Variants in PRKG1 observed in about 807,000 individuals in gnomAD.
PRKG1 encodes the protein cGMP-dependent protein kinase 1.
A neutral mutation model predicts 88.1 loss-of-function variants in PRKG1; 35 were observed. That is an observed-to-expected ratio of 0.40 (90% CI 0.30 to 0.53). The LOEUF is 0.53. Among genes scored for constraint, PRKG1 ranks in the 20% least tolerant of loss-of-function variants. PRKG1 has a pLI of 0.59. For synonymous variants in PRKG1, 303 were observed against 292.5 expected (o/e 1.04, Z -0.37); for missense variants, 540 against 839.8 (o/e 0.64, Z 4.41).
intron 2 of PRKG1, among the ~76,000 whole-genome samples, chr10:51,393,066 GCGGC>G (rs1265520540): frequency 1.6e-5 from 1 of 60,844 alleles, no homozygotes; most frequent in Non-Finnish European, 3.7e-5. Flanking sequence ...CTCAGGCGGG[GCGGC>G]TGCCGGGCGG....
chr10:51,015,539 G>A (rs947303406), intron 1 of PRKG1, among the ~76,000 whole-genome samples: 19 of 152,354 alleles, frequency 1.2e-4, no homozygotes, highest in African/African-American at 3.4e-4. Flanking sequence ...ATTGTGTTAA[G>A]TTGCATAGAA....
intron 3 of PRKG1, among the ~76,000 whole-genome samples, chr10:51,548,063 C>T (rs1384972355): frequency 2.6e-5 from 4 of 151,902 alleles, no homozygotes; most frequent in Admixed American, 1.3e-4. Flanking sequence ...CCTGCTTTGC[C>T]TAAATTATGA....
At chr10:51,634,930 G>A (rs748516067) in intron 3 of PRKG1, among the ~76,000 whole-genome samples, 1 of 151,920 alleles carries the variant, frequency 6.6e-6, no homozygotes, top group Non-Finnish European at 1.5e-5. Context: ...TATACACCAG[G>A]GCATACTTGA....
intron 5 of PRKG1, among the ~76,000 whole-genome samples, chr10:51,951,866 T>C (rs1843193181): frequency 6.6e-6 from 1 of 152,186 alleles, no homozygotes; most frequent in Admixed American, 6.5e-5. Flanking sequence ...GTATGAGTGG[T>C]GACCTATGAA....
Position 51,552,031 on chromosome 10 carries a change from C to G in PRKG1, c.592+84195C>G, listed in dbSNP as rs145645994. On this transcript the variant is annotated intron_variant, in intron 3 of 17. Transcript: ENST00000373980. ...AGTATTTGGCCAGATTTCATTTTTC[C>G]CATCTTAGGCTGACTTTGTAAATAG... is the stretch of plus-strand genomic sequence containing the variant. Among the ~76,000 whole-genome samples the G allele has an allele frequency of 3.7e-3, 560 of 151,580 alleles. 6 individuals are homozygous for G. Among genetic ancestry groups the G allele is most frequent in the African/African-American group, 0.013 (527 of 41,484 alleles).
intron 1 of PRKG1, among the ~76,000 whole-genome samples, chr10:51,037,321 T>C (rs1449072012): frequency 6.6e-6 from 1 of 150,978 alleles, no homozygotes. Flanking sequence ...AATAAAAAAT[T>C]AGTATGGCAT....
chr10:51,235,349 G>A (rs749539361), intron 2 of PRKG1, among the ~76,000 whole-genome samples: 42 of 152,278 alleles, frequency 2.8e-4, no homozygotes, highest in Admixed American at 1.0e-3. Context: ...ATAGAGCCCC[G>A]TTAGGTTTAA....
chr10:51,837,779 C>T (rs1840168868), intron 4 of PRKG1, among the ~76,000 whole-genome samples: 1 of 152,100 alleles, frequency 6.6e-6, no homozygotes, highest in African/African-American at 2.4e-5. Flanking sequence ...TCTCCATAAC[C>T]CAATGCTTGG....
At chr10:51,982,043 G>T (rs944137721) in intron 5 of PRKG1, among the ~76,000 whole-genome samples, 2 of 152,010 alleles carry the variant, frequency 1.3e-5, no homozygotes, top group African/African-American at 4.8e-5. Context: ...TTGTCTGACT[G>T]TCTTATTTCA....
intron 2 of PRKG1, among the ~76,000 whole-genome samples, chr10:51,431,645 T>C (rs1838773646): frequency 6.6e-6 from 1 of 152,098 alleles, no homozygotes; most frequent in African/African-American, 2.4e-5. Flanking sequence ...GGGCAGTCTA[T>C]CCTCAGTTGG....
chr10:51,010,711 AC>A (rs1191044426), intron 1 of PRKG1, among the ~76,000 whole-genome samples: 1 of 152,210 alleles, frequency 6.6e-6, no homozygotes, highest in Non-Finnish European at 1.5e-5. Context: ...ACAACTGAAA[AC>A]AAATACTAGT....
chr10:51,345,963 T>C (rs1842104733), intron 2 of PRKG1, among the ~76,000 whole-genome samples: 1 of 152,204 alleles, frequency 6.6e-6, no homozygotes, highest in African/African-American at 2.4e-5. Context: ...GATAGCATTA[T>C]TGGTACAATT....
At chr10:52,084,280 C>T (rs1846855760) in intron 7 of PRKG1, among the ~76,000 whole-genome samples, 1 of 151,988 alleles carries the variant, frequency 6.6e-6, no homozygotes, top group Admixed American at 6.6e-5. Context: ...ATCTGCTCAA[C>T]TAAGATGCTT....
intron 2 of PRKG1, among the ~76,000 whole-genome samples, chr10:51,407,092 G>T (rs968116612): frequency 1.3e-5 from 2 of 152,168 alleles, no homozygotes; most frequent in Admixed American, 6.5e-5. Context: ...TGCCCACCGG[G>T]ATTAAGTGTG....
At chr10:51,163,409 C>T (rs1325414279) in intron 2 of PRKG1, among the ~76,000 whole-genome samples, 2 of 152,152 alleles carry the variant, frequency 1.3e-5, no homozygotes, top group Admixed American at 6.5e-5. Context: ...GGGAGGGCAG[C>T]CAAGATGGCC....
chr10:51,486,885 G>C (rs1840559475), intron 3 of PRKG1, among the ~76,000 whole-genome samples: 1 of 152,102 alleles, frequency 6.6e-6, no homozygotes, highest in Non-Finnish European at 1.5e-5. Context: ...CAGTGCGGTA[G>C]TTATTTTTTC....
chr10:51,099,284 T>C (rs1270404939), intron 1 of PRKG1, among the ~76,000 whole-genome samples: 3 of 152,010 alleles, frequency 2.0e-5, no homozygotes, highest in African/African-American at 7.2e-5. Flanking sequence ...AAGAAGTTAT[T>C]TTTACACTTT....
chr10:51,558,886 T>C (rs780531463), intron 3 of PRKG1, among the ~76,000 whole-genome samples: 22 of 152,116 alleles, frequency 1.4e-4, no homozygotes, highest in Non-Finnish European at 2.6e-4. Flanking sequence ...ATGAATACAG[T>C]AGTCCTCTCT....
intron 1 of PRKG1, among the ~76,000 whole-genome samples, chr10:51,120,905 GAAGTCTA>G (rs1845244320): frequency 6.6e-6 from 1 of 152,126 alleles, no homozygotes. Flanking sequence ...TTGTAGGTTA[GAAGTCTA>G]ATGAGGGTCT....
Sources: gnomAD v4.1 joint callset for allele counts (sites outside exome capture counted in the v4.1 genomes callset) on GRCh38, gnomAD v4.1.1 for gene constraint, MANE v1.5 for transcripts, NCBI Gene and HGNC (gene_info 2026-07-23, HGNC 2026-07-21) for gene names.